Variants in IQGAP2 observed in about 807,000 individuals in gnomAD.
The protein encoded by IQGAP2 is ras GTPase-activating-like protein IQGAP2.
IQGAP2 carries 173 observed loss-of-function variants against 201.3 expected under a neutral mutation model. The observed-to-expected ratio is 0.86, with a 90% confidence interval of 0.76 to 0.98. The LOEUF (loss-of-function observed/expected upper bound fraction) is 0.98. Ranked by LOEUF, IQGAP2 falls within the 50% of genes least tolerant of loss-of-function variation. The pLI is 0.00. For missense variants in IQGAP2, 1,687 were observed against 1,864.8 expected (o/e 0.90, Z 1.76); for synonymous variants, 675 against 673.9 (o/e 1.00, Z -0.03).
In IQGAP2 at chr5:76,454,013, T is replaced by C. The variant is rs144903946; in HGVS notation, c.47-7557T>C. On this transcript the variant is annotated intron_variant, in intron 1 of 35. Coordinates refer to ENST00000274364, the MANE Select transcript of IQGAP2 (RefSeq NM_006633.5). Reference sequence around the variant, plus strand: ...TCTGTATGGGGATGGGAGGACAGAGTGTATAGGAGCAGGCAGTGGGCAAAT... The same window carrying C: ...TCTGTATGGGGATGGGAGGACAGAGCGTATAGGAGCAGGCAGTGGGCAAAT... 1.8e-3 allele frequency among the ~76,000 whole-genome samples: 267 copies of C among 152,156 alleles called. 1 individual carries two copies. The highest frequency in any genetic ancestry group is 6.8e-3 in the Middle Eastern group (2 of 294).
chr5:76,654,174 C>T lies in IQGAP2; in HGVS notation c.2179-26C>T, dbSNP rs538984573. The T allele has an allele frequency of 2.2e-5, 33 of 1,529,186 alleles. No individual in the cohort carries two copies. In the East Asian group the frequency reaches 7.5e-4, roughly 35 times the overall value. The allele number at this position is 1,529,186 out of a possible 1,614,324, so 94.7% of individuals were successfully genotyped here. A position where few individuals can be genotyped will look rare whatever the true frequency, so the allele number is the denominator to read the frequency against. ...ACTTTTCTCTTTATTTTTTGTTGTACTTTTCTATTTTTTAAAACCTTTCAG... is the reference window on the plus strand; with the variant it reads ...ACTTTTCTCTTTATTTTTTGTTGTATTTTTCTATTTTTTAAAACCTTTCAG... On this transcript the variant is annotated intron_variant, in intron 18 of 35. Coordinates refer to ENST00000274364, the MANE Select transcript of IQGAP2 (RefSeq NM_006633.5).
chr5:76,424,008 G>C (rs1473359695), intron 1 of IQGAP2, among the ~76,000 whole-genome samples: 3 of 152,128 alleles, frequency 2.0e-5, no homozygotes, highest in African/African-American at 7.2e-5. Context: ...TCTTTAATCA[G>C]GCAGGATGGC....
At chr5:76,627,690 A>G (rs543389999) in intron 14 of IQGAP2, among the ~76,000 whole-genome samples, 190 bp downstream of exon 14, 3 of 152,378 alleles carry the variant, frequency 2.0e-5, no homozygotes, top group African/African-American at 7.2e-5. Flanking sequence ...ACAAAATGTA[A>G]CAATGTTGCT....
At chr5:76,543,848 T>C (rs1742933335) in intron 2 of IQGAP2, among the ~76,000 whole-genome samples, 1 of 152,220 alleles carries the variant, frequency 6.6e-6, no homozygotes, top group African/African-American at 2.4e-5. Flanking sequence ...TTTTGTCAGG[T>C]TGACTTACAT....
chr5:76,613,822 G>A (rs1206560237), intron 13 of IQGAP2, among the ~76,000 whole-genome samples: 1 of 152,106 alleles, frequency 6.6e-6, no homozygotes, highest in East Asian at 1.9e-4. Context: ...AGCCTCCCGA[G>A]TAGCAGGGAC....
At chr5:76,611,736 G>T (rs1748429427) in intron 13 of IQGAP2, among the ~76,000 whole-genome samples, 1 of 152,194 alleles carries the variant, frequency 6.6e-6, no homozygotes, top group Non-Finnish European at 1.5e-5. Context: ...TAGAGCAGAA[G>T]CTGTCCTCTC....
intron 1 of IQGAP2, among the ~76,000 whole-genome samples, chr5:76,417,605 CAG>C (rs113081235): frequency 0.021 from 3,180 of 151,138 alleles, 98 homozygotes; most frequent in African/African-American, 0.067. Flanking sequence ...TTTTTTGAGA[CAG>C]GGTCTGGCTG....
chr5:76,635,162 C>T (rs1751024874), intron 15 of IQGAP2, among the ~76,000 whole-genome samples: 1 of 152,172 alleles, frequency 6.6e-6, no homozygotes, highest in Admixed American at 6.5e-5. Context: ...ATGAGCTATC[C>T]TAATTTCATA....
At chr5:76,467,462 C>T (rs550578348) in intron 2 of IQGAP2, among the ~76,000 whole-genome samples, 22 of 152,180 alleles carry the variant, frequency 1.4e-4, no homozygotes, top group Admixed American at 9.8e-4. Flanking sequence ...TACCCACCAG[C>T]GTAGCTATAA....
At chr5:76,479,431 G>A (rs745939256) in intron 2 of IQGAP2, among the ~76,000 whole-genome samples, 2 of 152,104 alleles carry the variant, frequency 1.3e-5, no homozygotes, top group Non-Finnish European at 2.9e-5. Context: ...TGCATGGATC[G>A]CTTTGGGGAA....
intron 2 of IQGAP2, among the ~76,000 whole-genome samples, chr5:76,504,877 T>A (rs1203337932): frequency 1.3e-5 from 2 of 152,200 alleles, no homozygotes; most frequent in Non-Finnish European, 2.9e-5. Context: ...GATCTAGCCC[T>A]GGCCTCACTC....
At chr5:76,658,891 A>G (rs1743001069) in intron 21 of IQGAP2, among the ~76,000 whole-genome samples, 1 of 152,218 alleles carries the variant, frequency 6.6e-6, no homozygotes, top group Admixed American at 6.5e-5. Context: ...ACACACCTGT[A>G]CAGCTTGTGA....
chr5:76,451,241 C>T (rs1753724068), intron 1 of IQGAP2, among the ~76,000 whole-genome samples: 1 of 152,182 alleles, frequency 6.6e-6, no homozygotes, highest in Middle Eastern at 3.2e-3. Context: ...TACTTGTTGA[C>T]TTCCTTTTTC....
At chr5:76,578,528 G>A (rs1745619128) in intron 5 of IQGAP2, among the ~76,000 whole-genome samples, 1 of 152,142 alleles carries the variant, frequency 6.6e-6, no homozygotes, top group South Asian at 2.1e-4. Context: ...TGGCCAGGAT[G>A]GTCTTGATCT....
chr5:76,683,837 G>A lies in IQGAP2; in HGVS notation c.3825G>A (p.Lys1275=), dbSNP rs1580813178. 1 of 1,613,724 alleles carries A rather than the reference G, an allele frequency of 6.2e-7. No individual in the cohort carries two copies. The highest frequency in any genetic ancestry group is 8.5e-7 in the Non-Finnish European group (1 of 1,179,792). ...CAAATACACTAAGTCAGCTTTCAAA[G>A]ACCGAGATTTCTCTTGTCTTGACAA... is the stretch of plus-strand genomic sequence containing the variant. ...NKANTLSQLS[K]TEISLVLTSK... Residue 1275 remains lysine (K), a synonymous_variant, in exon 30 of 36, where the codon AAG becomes AAA. Transcript: ENST00000274364.
chr5:76,607,923 A>G (rs1747939446), intron 12 of IQGAP2: 1 of 152,228 alleles, frequency 6.6e-6, no homozygotes, highest in African/African-American at 2.4e-5. Context: ...GGCAATACCC[A>G]TGCTTCAGTT....
chr5:76,674,569 G>A lies in IQGAP2; in HGVS notation c.3387G>A (p.Gln1129=), dbSNP rs1744640214. The change falls in exon 27 of 36, where the codon CAG becomes CAA. Residue 1129 remains glutamine (Q), a synonymous_variant. Coordinates refer to ENST00000274364, the MANE Select transcript of IQGAP2 (RefSeq NM_006633.5). ...TCATCGACATGACAGCTGGAGGTCA[G>A]ATAAATTCTGACCAAAGGAGAAACT... The part of the protein sequence containing the change: ...FDIIDMTAGG[Q]INSDQRRNLG... 2 of 1,614,010 alleles carry A rather than the reference G, an allele frequency of 1.2e-6. No homozygotes were observed. Among genetic ancestry groups the A allele is most frequent in the Non-Finnish European group, 1.7e-6 (2 of 1,179,994 alleles).
At position 76,618,270 on chromosome 5, in the gene IQGAP2, A is replaced by G. The variant is rs369675828; in HGVS notation, c.1521+7087A>G. ...GAGATGATAAGCTATCTTAAAGGGCAATGTAACACAAAAAAGAAAATCTGC... is the reference window on the plus strand; with the variant it reads ...GAGATGATAAGCTATCTTAAAGGGCGATGTAACACAAAAAAGAAAATCTGC... On this transcript the variant is annotated intron_variant, in intron 13 of 35. Coordinates refer to ENST00000274364, the MANE Select transcript of IQGAP2 (RefSeq NM_006633.5). The G allele has an allele frequency of 6.8e-6, 11 of 1,614,104 alleles. No homozygotes were observed. Among genetic ancestry groups the G allele is most frequent in the East Asian group, 2.2e-5 (1 of 44,894 alleles).
At chr5:76,601,693 C>G (rs1747440308) in intron 11 of IQGAP2, among the ~76,000 whole-genome samples, 1 of 152,164 alleles carries the variant, frequency 6.6e-6, no homozygotes, top group African/African-American at 2.4e-5. Flanking sequence ...GACAAAAGCT[C>G]TTTTCAGCTA....
Sources: gnomAD v4.1 joint callset for allele counts (sites outside exome capture counted in the v4.1 genomes callset) on GRCh38, gnomAD v4.1.1 for gene constraint, MANE v1.5 for transcripts, NCBI Gene and HGNC (gene_info 2026-07-23, HGNC 2026-07-21) for gene names.